Variants in CDC45 observed in about 807,000 individuals in gnomAD.
The protein encoded by CDC45 is cell division cycle 45.
CDC45 carries 54 observed loss-of-function variants against 77.8 expected under a neutral mutation model. That is an observed-to-expected ratio of 0.69 (90% CI 0.56 to 0.87). CDC45 has a LOEUF of 0.87. Among genes scored for constraint, CDC45 ranks in the 40% least tolerant of loss-of-function variants. CDC45 has a pLI of 0.00. For missense variants in CDC45, 649 were observed against 721.6 expected (o/e 0.90, Z 1.15); for synonymous variants, 260 against 272.1 (o/e 0.96, Z 0.44).
At chr22:19,483,158 C>T (rs761512985) in intron 4 of CDC45, among the ~76,000 whole-genome samples, 4 of 152,126 alleles carry the variant, frequency 2.6e-5, no homozygotes, top group Non-Finnish European at 4.4e-5. Flanking sequence ...CTTGGCTGGG[C>T]GCGGTGGCTC....
chr22:19,507,530 C>T lies in CDC45; in HGVS notation c.956+13C>T. On this transcript the variant is annotated intron_variant, in intron 11 of 18. Coordinates refer to ENST00000263201, the MANE Select transcript of CDC45 (RefSeq NM_003504.5). ...TTGCAGACATGGGGTGAGTGACTGC[C>T]TGGGCCTCTGCAGTGCCAGCCCTGG... The T allele has an allele frequency of 1.9e-6, 3 of 1,613,814 alleles. No individual in the cohort carries two copies. Among genetic ancestry groups the T allele is most frequent in the Non-Finnish European group, 2.5e-6 (3 of 1,179,868 alleles).
chr22:19,490,277 T>C (rs1354016369), intron 5 of CDC45, among the ~76,000 whole-genome samples: 8 of 152,234 alleles, frequency 5.3e-5, no homozygotes, highest in Admixed American at 4.6e-4. Context: ...CTTACATTTA[T>C]TTTAGTTACT....
At chr22:19,519,695 C>T (rs1030625687) in intron 18 of CDC45, among the ~76,000 whole-genome samples, 4 of 152,230 alleles carry the variant, frequency 2.6e-5, no homozygotes, top group Non-Finnish European at 4.4e-5. Context: ...CTCTCCCATC[C>T]GTCCGTCCAT....
At chr22:19,483,783 T>C (rs907103188) in intron 4 of CDC45, 79 bp from the exon 5 acceptor site, 2 of 1,346,316 alleles carry the variant, frequency 1.5e-6, no homozygotes, top group Non-Finnish European at 1.0e-6. Context: ...TAGGAAATGA[T>C]AAGATTCTGC....
intron 5 of CDC45, among the ~76,000 whole-genome samples, chr22:19,484,266 C>T (rs531813059): frequency 6.6e-6 from 1 of 152,318 alleles, no homozygotes; most frequent in South Asian, 2.1e-4. Flanking sequence ...AGCTCTGCGG[C>T]TAGATAGCAA....
intron 10 of CDC45, among the ~76,000 whole-genome samples, chr22:19,506,277 G>T (rs1405946801): frequency 6.6e-6 from 1 of 152,178 alleles, no homozygotes; most frequent in Non-Finnish European, 1.5e-5. Flanking sequence ...GAGCGGGGTG[G>T]AGCTGGCTGA....
At chr22:19,507,235 C>G (rs1933241649) in intron 10 of CDC45, 151 bp from the exon 11 acceptor site, 1 of 879,438 alleles carries the variant, frequency 1.1e-6, no homozygotes, top group Admixed American at 2.5e-5. Flanking sequence ...CTAAGAAGGT[C>G]AAAGGGCTCC....
intron 10 of CDC45, among the ~76,000 whole-genome samples, chr22:19,506,735 C>G (rs1933202174): frequency 6.6e-6 from 1 of 152,112 alleles, no homozygotes; most frequent in South Asian, 2.1e-4. Context: ...GAGATCGAGA[C>G]CATCCTGGCT....
intron 17 of CDC45, 32 bp from the exon 18 acceptor site, chr22:19,518,812 T>A (rs1372950709): frequency 6.3e-7 from 1 of 1,598,980 alleles, no homozygotes; most frequent in Non-Finnish European, 8.6e-7. Flanking sequence ...CACTCCTCCC[T>A]TCTCACGGCT....
chr22:19,481,037 A>G lies in CDC45; in HGVS notation c.196A>G (p.Lys66Glu). Residue 66 changes from lysine (K) to glutamate (E), a missense_variant, in exon 3 of 19, where the codon AAA (lysine) becomes GAA (glutamate). Transcript: ENST00000263201. ...ACTTGAAACTGCATTTCTTGAGCAT[A>G]AAGAACAGGTATTGAAGATGCGTTT... The part of the protein sequence containing the change: ...QELETAFLEH[K>E]EQFHYFILIN... The G allele has an allele frequency of 6.2e-7, 1 of 1,609,050 alleles. No individual in the cohort carries two copies. The highest frequency in any genetic ancestry group is 8.5e-7 in the Non-Finnish European group (1 of 1,175,442).
chr22:19,492,016 GGCTGGTCTCAAACTCCT>G (rs1411486143), intron 5 of CDC45, among the ~76,000 whole-genome samples: 6 of 152,088 alleles, frequency 3.9e-5, no homozygotes, highest in African/African-American at 1.4e-4. Flanking sequence ...ATGTTGGCCA[GGCTGGTCTCAAACTCCT>G]GGCCTCAAGC....
intron 13 of CDC45, among the ~76,000 whole-genome samples, chr22:19,512,382 A>G (rs1273972513): frequency 6.6e-6 from 1 of 152,110 alleles, no homozygotes; most frequent in Non-Finnish European, 1.5e-5. Flanking sequence ...ACTGATGTAG[A>G]TAGTATACCT....
intron 7 of CDC45, among the ~76,000 whole-genome samples, 171 bp from the exon 8 acceptor site, chr22:19,497,215 T>C (rs538940625): frequency 1.3e-5 from 2 of 152,356 alleles, no homozygotes; most frequent in African/African-American, 4.8e-5. Flanking sequence ...CAGTTTAGCG[T>C]GTACTCATCC....
At chr22:19,518,522 G>T (rs1485082044) in intron 17 of CDC45, among the ~76,000 whole-genome samples, 1 of 152,230 alleles carries the variant, frequency 6.6e-6, no homozygotes, top group East Asian at 1.9e-4. Context: ...CCACTCTGGG[G>T]ACGGGGGTTC....
intron 5 of CDC45, among the ~76,000 whole-genome samples, chr22:19,487,292 CAAAAAAA>C (rs754969437): frequency 5.0e-5 from 3 of 59,520 alleles, no homozygotes; most frequent in African/African-American, 6.0e-5. Flanking sequence ...ACTCTTGTCT[CAAAAAAA>C]AAAAAAAAAA....
chr22:19,505,576 C>CA, intron 10 of CDC45, 95 bp downstream of exon 10: 1 of 1,411,116 alleles, frequency 7.1e-7, no homozygotes, highest in Non-Finnish European at 9.9e-7. Flanking sequence ...GGCCACATCC[C>CA]CAGGAGGGAA....
intron 9 of CDC45, among the ~76,000 whole-genome samples, chr22:19,500,790 A>C (rs940820154): frequency 6.6e-6 from 1 of 152,102 alleles, no homozygotes; most frequent in Admixed American, 6.6e-5. Flanking sequence ...GGTGCCCTGC[A>C]ATCATGAAAC....
At chr22:19,489,036 TGTG>T (rs1453342443) in intron 5 of CDC45, among the ~76,000 whole-genome samples, 1 of 151,862 alleles carries the variant, frequency 6.6e-6, no homozygotes, top group African/African-American at 2.4e-5. Flanking sequence ...ATTAGCCAGG[TGTG>T]GTGGTGCACA....
intron 5 of CDC45, among the ~76,000 whole-genome samples, chr22:19,489,025 A>T (rs772228578): frequency 5.3e-5 from 8 of 151,974 alleles, no homozygotes; most frequent in Non-Finnish European, 8.8e-5. Context: ...AAACTACAAA[A>T]ATTAGCCAGG....
Sources: gnomAD v4.1 joint callset for allele counts (sites outside exome capture counted in the v4.1 genomes callset) on GRCh38, gnomAD v4.1.1 for gene constraint, MANE v1.5 for transcripts, NCBI Gene and HGNC (gene_info 2026-07-23, HGNC 2026-07-21) for gene names.